LPP: variants seen among roughly 807,000 people sequenced by gnomAD.
LPP encodes lipoma-preferred partner.
A neutral mutation model predicts 60.4 loss-of-function variants in LPP; 38 were observed. The ratio of observed to expected loss-of-function variants is 0.63; its 90% CI spans 0.49 to 0.83. The LOEUF (loss-of-function observed/expected upper bound fraction) is 0.83, where lower values mean the gene tolerates loss of function less well. Among genes scored for constraint, LPP ranks in the 40% least tolerant of loss-of-function variants. LPP has a pLI of 0.00. For missense variants in LPP, 902 were observed against 783.6 expected, an observed-to-expected ratio of 1.15 and a Z score of -1.80; for synonymous variants, 328 against 290.8, an observed-to-expected ratio of 1.13 and a Z score of -1.30.
intron 2 of LPP, among the ~76,000 whole-genome samples, 174 bp from the exon 3 acceptor site, chr3:188,341,489 G>A (rs1049304023): frequency 3.3e-5 from 5 of 152,304 alleles, no homozygotes; most frequent in East Asian, 1.9e-4. Context: ...TATGAAGCCA[G>A]TAGAATCATC....
intron 3 of LPP, among the ~76,000 whole-genome samples, chr3:188,400,993 T>A (rs2148810081): frequency 6.6e-6 from 1 of 152,316 alleles, no homozygotes; most frequent in African/African-American, 2.4e-5. Context: ...ATGAAGATTT[T>A]AGAGAAAGAA....
chr3:188,341,712 T>G lies in LPP; in HGVS notation c.-17T>G, dbSNP rs1027865994. ...TCAACCATCCATTCCAGGAGCCAGCTATCTGAGGTAAGAGAGGAGGCGTGT... is the reference window on the plus strand; with the variant it reads ...TCAACCATCCATTCCAGGAGCCAGCGATCTGAGGTAAGAGAGGAGGCGTGT... On this transcript the variant is annotated 5_prime_UTR_variant, in exon 3 of 12. Coordinates refer to ENST00000617246, the MANE Select transcript of LPP (RefSeq NM_001375462.1). 3.1e-5 allele frequency: 31 copies of G among 984,344 alleles called. No individual in the cohort carries two copies. Among genetic ancestry groups the G allele is most frequent in the Admixed American group, 3.1e-4 (5 of 16,264 alleles). 61.0% of individuals were successfully genotyped at this position (984,344 alleles called of 1,614,324 possible).
intron 6 of LPP, among the ~76,000 whole-genome samples, chr3:188,551,910 A>G (rs1828236388): frequency 6.6e-6 from 1 of 152,194 alleles, no homozygotes; most frequent in Admixed American, 6.5e-5. Flanking sequence ...GACCAATGGT[A>G]AAAATCCAAA....
At chr3:188,207,892 T>C (rs1291996293) in intron 1 of LPP, among the ~76,000 whole-genome samples, 1 of 152,200 alleles carries the variant, frequency 6.6e-6, no homozygotes, top group Non-Finnish European at 1.5e-5. Context: ...TTACAACATC[T>C]TGTCCTTCAA....
chr3:188,305,793 A>G (rs1445737217), intron 2 of LPP, among the ~76,000 whole-genome samples: 1 of 152,246 alleles, frequency 6.6e-6, no homozygotes, highest in African/African-American at 2.4e-5. Context: ...CAGTAGTGTC[A>G]TGAAACAAAG....
intron 8 of LPP, among the ~76,000 whole-genome samples, chr3:188,738,227 CGTT>C (rs1723191299): frequency 6.6e-6 from 1 of 152,022 alleles, no homozygotes; most frequent in South Asian, 2.1e-4. Flanking sequence ...TGATCGGTCA[CGTT>C]GTGAATCTGT....
At chr3:188,810,566 CT>C (rs1210745589) in intron 9 of LPP, among the ~76,000 whole-genome samples, 1 of 152,018 alleles carries the variant, frequency 6.6e-6, no homozygotes, top group East Asian at 1.9e-4. Context: ...TGCTATTAAT[CT>C]TTTTTGTGTC....
intron 8 of LPP, among the ~76,000 whole-genome samples, chr3:188,752,741 A>G (rs538743894): frequency 2.1e-4 from 32 of 152,180 alleles, no homozygotes; most frequent in Non-Finnish European, 1.6e-4. Flanking sequence ...ATTTGGCACT[A>G]GCCATCACTG....
intron 4 of LPP, among the ~76,000 whole-genome samples, chr3:188,425,934 C>T (rs1042903736): frequency 1.3e-5 from 2 of 151,792 alleles, no homozygotes; most frequent in Non-Finnish European, 2.9e-5. Flanking sequence ...AAGGGTTTTT[C>T]TCATGTCTCT....
chr3:188,746,355 A>G, intron 8 of LPP: 2 of 430,022 alleles, frequency 4.7e-6, no homozygotes, highest in South Asian at 3.5e-5. Context: ...AGGGGGCAGA[A>G]AAACACGCTG....
rs73888484 is a variant in LPP, at chr3:188,440,442, A to C, written c.193+34129A>C. Among the ~76,000 whole-genome samples the C allele has an allele frequency of 8.6e-3, 1,305 of 152,276 alleles. 13 individuals carry two copies. The highest frequency in any genetic ancestry group is 0.03 in the African/African-American group (1,257 of 41,558). On this transcript the variant is annotated intron_variant, in intron 4 of 11. Coordinates refer to ENST00000617246, the MANE Select transcript of LPP (RefSeq NM_001375462.1). Reference sequence around the variant, plus strand: ...TTACAAAGCAGTAGCATTTCCTTCTAGGATTTTTTTGTAGTCCTTCATGAT... The same window carrying C: ...TTACAAAGCAGTAGCATTTCCTTCTCGGATTTTTTTGTAGTCCTTCATGAT...
chr3:188,209,851 C>T (rs1440235912), intron 1 of LPP, among the ~76,000 whole-genome samples: 6 of 152,068 alleles, frequency 3.9e-5, no homozygotes, highest in Non-Finnish European at 7.4e-5. Flanking sequence ...AGTATATATG[C>T]TGAATGGACT....
At chr3:188,158,025 C>T (rs1446263444) in intron 1 of LPP, among the ~76,000 whole-genome samples, 1 of 151,952 alleles carries the variant, frequency 6.6e-6, no homozygotes, top group Non-Finnish European at 1.5e-5. Context: ...AAATTAATCT[C>T]GATAGGGGCC....
rs113297691 is a variant in LPP, at chr3:188,835,185, G to A, written c.1411-31015G>A. 4.2e-3 allele frequency among the ~76,000 whole-genome samples: 639 copies of A among 151,912 alleles called. 6 individuals are homozygous for A. The highest frequency in any genetic ancestry group is 0.015 in the African/African-American group (603 of 41,368). ...ATTAAAGAATAAGCTATGGCCAGGC[G>A]CGGTGGCTCACTCCTGTAATCCTAG... is the stretch of plus-strand genomic sequence containing the variant. On this transcript the variant is annotated intron_variant, in intron 9 of 11. Coordinates refer to ENST00000617246, the MANE Select transcript of LPP (RefSeq NM_001375462.1).
Position 188,707,018 on chromosome 3 carries a change from C to T in LPP, c.1114-1249C>T, listed in dbSNP as rs189824264. On this transcript the variant is annotated intron_variant, in intron 7 of 11. Transcript: ENST00000617246. ...TCCCTTTTAATCACATAGCACAAAG[C>T]TACTTTAAATCTAGTATATGGCCTT... Among the ~76,000 whole-genome samples, 1,107 of 152,216 alleles carry T rather than the reference C, an allele frequency of 7.3e-3. 4 individuals are homozygous for T. Among genetic ancestry groups the T allele is most frequent in the Non-Finnish European group, 0.011 (721 of 68,022 alleles).
intron 6 of LPP, among the ~76,000 whole-genome samples, chr3:188,548,162 A>G (rs1827158992): frequency 6.6e-6 from 1 of 152,196 alleles, no homozygotes; most frequent in Non-Finnish European, 1.5e-5. Flanking sequence ...GAAGATGGTG[A>G]AGGCGATATG....
intron 9 of LPP, among the ~76,000 whole-genome samples, chr3:188,775,290 A>T (rs7611290): frequency 0.29 from 43,464 of 151,984 alleles, 6,919 homozygotes; most frequent in South Asian, 0.56. Context: ...TGACCTCGTG[A>T]TCCACCTGCT....
intron 9 of LPP, among the ~76,000 whole-genome samples, chr3:188,864,169 C>A (rs748654275): frequency 6.6e-6 from 1 of 152,142 alleles, no homozygotes; most frequent in South Asian, 2.1e-4. Context: ...TTAATAGTTT[C>A]CATGCGTTTA....
intron 9 of LPP, among the ~76,000 whole-genome samples, chr3:188,789,455 T>C (rs1742995712): frequency 6.6e-6 from 1 of 152,230 alleles, no homozygotes; most frequent in Non-Finnish European, 1.5e-5. Context: ...TAATCGGTCT[T>C]ATACTTTATG....
Sources: gnomAD v4.1 joint callset for allele counts (sites outside exome capture counted in the v4.1 genomes callset) on GRCh38, gnomAD v4.1.1 for gene constraint, MANE v1.5 for transcripts, NCBI Gene and HGNC (gene_info 2026-07-23, HGNC 2026-07-21) for gene names.